TTF2: variants seen among roughly 807,000 people sequenced by gnomAD.
TTF2 encodes RNA polymerase II termination factor.
TTF2 carries 108 observed loss-of-function variants against 142.4 expected under a neutral mutation model. The ratio of observed to expected loss-of-function variants is 0.76; its 90% CI spans 0.65 to 0.89. The LOEUF (loss-of-function observed/expected upper bound fraction) is 0.89, where lower values mean the gene tolerates loss of function less well. Among genes scored for constraint, TTF2 ranks in the 40% least tolerant of loss-of-function variants. TTF2 has a pLI of 0.00. For synonymous variants in TTF2, 483 were observed against 506.2 expected, an observed-to-expected ratio of 0.95 and a Z score of 0.61; for missense variants, 1,327 against 1,379.8, an observed-to-expected ratio of 0.96 and a Z score of 0.61.
At chr1:117,065,547 G>A (rs1340804585) in intron 3 of TTF2, among the ~76,000 whole-genome samples, 1 of 151,990 alleles carries the variant, frequency 6.6e-6, no homozygotes, top group Non-Finnish European at 1.5e-5. Context: ...CAGTGAGCCG[G>A]GATCGCGCCA....
At position 117,075,892 on chromosome 1, in the gene TTF2, C is replaced by A; in HGVS notation, c.1275+33C>A. The A allele has an allele frequency of 1.3e-6, 2 of 1,566,174 alleles. No individual in the cohort carries two copies. The highest frequency in any genetic ancestry group is 2.4e-5 in the South Asian group (2 of 81,944). On this transcript the variant is annotated intron_variant, in intron 5 of 22. Coordinates refer to ENST00000369466, the MANE Select transcript of TTF2 (RefSeq NM_003594.4). The surrounding 1 kb of genome is among the most constrained non-coding windows in gnomAD (Gnocchi z 4.5). Reference sequence around the variant, plus strand: ...TTGACTCGTGTTTTGTTTCTGAGGTCAGAGCATTGCTTGTTATGGGCAGAT... The same window carrying A: ...TTGACTCGTGTTTTGTTTCTGAGGTAAGAGCATTGCTTGTTATGGGCAGAT...
chr1:117,067,991 A>G (rs2801940), intron 3 of TTF2, among the ~76,000 whole-genome samples: 134,774 of 152,282 alleles, frequency 0.89, 59,983 homozygotes, highest in East Asian at 1. Flanking sequence ...GCATTTGACT[A>G]GCCATTCGGC....
At position 117,095,367 on chromosome 1, in the gene TTF2, G is replaced by A; in HGVS notation, c.3035G>A (p.Ser1012Asn). Residue 1012 changes from serine (S) to asparagine (N), a missense_variant and splice_region_variant, in exon 19 of 23, where the codon AGT (serine) becomes AAT (asparagine). Transcript: ENST00000369466. ...AIQRNSASQK[S>N]VIVSQWTNML... is the part of the protein sequence containing the mutation. ...CAAAGAAATTCAGCATCCCAAAAGA[G>A]GTAACTGCGTTTTCTCATTATCCAA... 6.2e-7 allele frequency: 1 copy of A among 1,614,002 alleles called. No homozygotes were observed. The highest frequency in any genetic ancestry group is 8.5e-7 in the Non-Finnish European group (1 of 1,179,900).
At position 117,090,028 on chromosome 1, in the gene TTF2, CTG is replaced by C. The variant is rs758199437; in HGVS notation, c.2343-24_2343-23del. 2 of 1,608,034 alleles carry C rather than the reference CTG, an allele frequency of 1.2e-6. No homozygotes were observed. Among genetic ancestry groups the C allele is most frequent in the Non-Finnish European group, 1.7e-6 (2 of 1,176,846 alleles). On this transcript the variant is annotated intron_variant, in intron 13 of 22. Coordinates refer to ENST00000369466, the MANE Select transcript of TTF2 (RefSeq NM_003594.4). This position sits in a 1 kb window ranked among gnomAD's most constrained non-coding sequence, Gnocchi z 4.8. ...TCTCCCTGACTTTTCCTTCCCTACT[CTG>C]TGCCCTTCTTCCTCAACAAAAAAGG...
At position 117,060,537 on chromosome 1, in the gene TTF2, C is replaced by T; in HGVS notation, c.111C>T (p.Cys37=). ...TCTACGTGTGCCGGGCAGACACGTG[C>T]AGCTTCGTGCGGGCCACCGAGTAGG... The part of the protein sequence containing the change: ...KSFYVCRADT[C]SFVRATDIPV... Residue 37 remains cysteine (C), a synonymous_variant, in exon 2 of 23, where the codon TGC becomes TGT. Transcript: ENST00000369466. The T allele has an allele frequency of 6.2e-7, 1 of 1,612,258 alleles. No homozygotes were observed. The highest frequency in any genetic ancestry group is 1.1e-5 in the South Asian group (1 of 90,996).
chr1:117,081,998 C>A (rs776252478), intron 10 of TTF2, 51 bp downstream of exon 10: 3 of 1,612,522 alleles, frequency 1.9e-6, no homozygotes, highest in Admixed American at 3.3e-5. Context: ...ATTTGAGCCA[C>A]CCAAGAGGGG....
rs542013097 is a variant in TTF2, at chr1:117,076,330, A to G, written c.1390+36A>G. 27 of 1,543,946 alleles carry G rather than the reference A, an allele frequency of 1.7e-5. No homozygotes were observed. In the South Asian group the frequency reaches 2.6e-4, roughly 15 times the overall value. On this transcript the variant is annotated intron_variant, in intron 6 of 22. Transcript: ENST00000369466. The surrounding 1 kb of genome is among the most constrained non-coding windows in gnomAD (Gnocchi z 4.6). Reference sequence around the variant, plus strand: ...TTATGCCTCAGAACTCCGGGTTTGCATCGACTTTACAAGAGACATTCGGGA... The same window carrying G: ...TTATGCCTCAGAACTCCGGGTTTGCGTCGACTTTACAAGAGACATTCGGGA...
rs1476347283 is a variant in TTF2, at chr1:117,102,609, GTA to G, written c.*1088_*1089del. 4.6e-5 allele frequency: 7 copies of G among 152,058 alleles called. No homozygotes were observed. Among genetic ancestry groups the G allele is most frequent in the Non-Finnish European group, 1.5e-5 (1 of 68,002 alleles). The allele number at this position is 152,058 out of a possible 1,614,324, so 9.4% of individuals were successfully genotyped here. Reference sequence around the variant, plus strand: ...TATAACATTTCTATTTGTAGTATTTGTATAATATTTGTGTCATTTTTAATAGT... The same window carrying G: ...TATAACATTTCTATTTGTAGTATTTGTAATATTTGTGTCATTTTTAATAGT... On this transcript the variant is annotated 3_prime_UTR_variant, in exon 23 of 23. Coordinates refer to ENST00000369466, the MANE Select transcript of TTF2 (RefSeq NM_003594.4).
At position 117,101,512 on chromosome 1, in the gene TTF2, T is replaced by C. The variant is rs1206702357; in HGVS notation, c.3477T>C (p.Leu1159=). 1.3e-6 allele frequency: 2 copies of C among 1,590,692 alleles called. No individual in the cohort carries two copies. Among genetic ancestry groups the C allele is most frequent in the Non-Finnish European group, 1.7e-6 (2 of 1,174,142 alleles). ...TKLTLADLRV[L]FGI Reference sequence around the variant, plus strand: ...TCACCTTGGCTGACCTCAGAGTCCTTTTTGGCATCTAACCTCCTGTGGATA... The same window carrying C: ...TCACCTTGGCTGACCTCAGAGTCCTCTTTGGCATCTAACCTCCTGTGGATA... The change falls in exon 23 of 23, where the codon CTT becomes CTC. Residue 1159 remains leucine, a synonymous_variant. Transcript: ENST00000369466. The surrounding 1 kb of genome is among the most constrained non-coding windows in gnomAD (Gnocchi z 5.9).
Position 117,090,513 on chromosome 1 carries a change from T to G in TTF2, c.2497-19T>G. On this transcript the variant is annotated intron_variant, in intron 14 of 22. Transcript: ENST00000369466. The surrounding 1 kb of genome is among the most constrained non-coding windows in gnomAD (Gnocchi z 4.8). Reference sequence around the variant, plus strand: ...TAATTTGTATAGCTTCATGCCAGCTTTTTTTTTTATTCTTCCAGGTGATAC... The same window carrying G: ...TAATTTGTATAGCTTCATGCCAGCTGTTTTTTTTATTCTTCCAGGTGATAC... 2 of 1,592,888 alleles carry G rather than the reference T, an allele frequency of 1.3e-6. No individual in the cohort carries two copies. The highest frequency in any genetic ancestry group is 1.7e-6 in the Non-Finnish European group (2 of 1,167,998).
Position 117,085,218 on chromosome 1 carries a change from T to G in TTF2, c.2054+1050T>G, listed in dbSNP as rs1440205185. Among the ~76,000 whole-genome samples the G allele has an allele frequency of 6.6e-6, 1 of 152,224 alleles. No individual in the cohort carries two copies. Among genetic ancestry groups the G allele is most frequent in the Non-Finnish European group, 1.5e-5 (1 of 68,050 alleles). On this transcript the variant is annotated intron_variant, in intron 11 of 22. Coordinates refer to ENST00000369466, the MANE Select transcript of TTF2 (RefSeq NM_003594.4). This position sits in a 1 kb window ranked among gnomAD's most constrained non-coding sequence, Gnocchi z 4.7. ...AGGGTAACTTGTAGACACTGCTGCC[T>G]CTCTGAATTAGGCATATCATTTTTA...
Position 117,081,929 on chromosome 1 carries a change from A to T in TTF2, c.1885A>T (p.Thr629Ser), listed in dbSNP as rs1647547040. 2 of 1,614,086 alleles carry T rather than the reference A, an allele frequency of 1.2e-6. No homozygotes were observed. Among genetic ancestry groups the T allele is most frequent in the African/African-American group, 1.3e-5 (1 of 74,936 alleles). The change falls in exon 10 of 23, where the codon ACG becomes TCG. Residue 629 changes from threonine (T) to serine (S), a missense_variant. Physicochemically the swap from Thr to Ser is moderately conservative, Grantham distance 58 (BLOSUM62 1). Transcript: ENST00000369466. ...KEEKEKSTAL[T>S]WLSKDDSCDF... ...AGAAAAGGAGAAAAGCACAGCTTTGACGTGGCTCTCCAAAGATGGTAGACA... is the reference window on the plus strand; with the variant it reads ...AGAAAAGGAGAAAAGCACAGCTTTGTCGTGGCTCTCCAAAGATGGTAGACA...
chr1:117,101,444 G>A lies in TTF2; in HGVS notation c.3409G>A (p.Ala1137Thr). The A allele has an allele frequency of 6.2e-7, 1 of 1,611,316 alleles. No homozygotes were observed. Among genetic ancestry groups the A allele is most frequent in the Admixed American group, 1.7e-5 (1 of 59,222 alleles). Residue 1137 changes from alanine to threonine, a missense_variant, in exon 23 of 23, where the codon GCC becomes ACC. Ala to Thr is a moderately conservative substitution (Grantham distance 58, BLOSUM62 0). Coordinates refer to ENST00000369466, the MANE Select transcript of TTF2 (RefSeq NM_003594.4). The surrounding 1 kb of genome is among the most constrained non-coding windows in gnomAD (Gnocchi z 5.9). Reference sequence around the variant, plus strand: ...GCTCCAAGAAAAAAAGAAAGATTTGGCCAAACAAGTTCTATCAGGGTCTGG... The same window carrying A: ...GCTCCAAGAAAAAAAGAAAGATTTGACCAAACAAGTTCTATCAGGGTCTGG... ...LQLQEKKKDL[A>T]KQVLSGSGES...
In TTF2 at chr1:117,072,540, TC is replaced by T. The variant is rs1390295460; in HGVS notation, c.219-1120del. On this transcript the variant is annotated intron_variant, in intron 3 of 22. Coordinates refer to ENST00000369466, the MANE Select transcript of TTF2 (RefSeq NM_003594.4). ...CCCGGGTTCAAGCGATTCTCCTGCC[TC>T]AGCCTCCTGAGTAGCTGGGACTACA... Among the ~76,000 whole-genome samples the T allele has an allele frequency of 4.0e-5, 6 of 148,200 alleles. No individual in the cohort carries two copies. In the South Asian group the frequency reaches 1.3e-3, roughly 33 times the overall value.
Position 117,079,991 on chromosome 1 carries a change from CA to C in TTF2, c.1783+343del, listed in dbSNP as rs1647349788. Among the ~76,000 whole-genome samples the C allele has an allele frequency of 6.6e-6, 1 of 151,252 alleles. No homozygotes were observed. Among genetic ancestry groups the C allele is most frequent in the Non-Finnish European group, 1.5e-5 (1 of 67,880 alleles). ...ATGGCTAGAGCCAACACACAAACAGCAGTCTATTGCCTCCCTCTTTTTTTTT... is the reference window on the plus strand; with the variant it reads ...ATGGCTAGAGCCAACACACAAACAGCGTCTATTGCCTCCCTCTTTTTTTTT... On this transcript the variant is annotated intron_variant, in intron 9 of 22. Transcript: ENST00000369466. This position sits in a 1 kb window ranked among gnomAD's most constrained non-coding sequence, Gnocchi z 4.2.
intron 15 of TTF2, 127 bp from the exon 16 acceptor site, chr1:117,091,201 T>G (rs1175318206): frequency 1.5e-6 from 1 of 667,168 alleles, no homozygotes; most frequent in Non-Finnish European, 2.4e-6. Flanking sequence ...CTTTGGCCAT[T>G]GCTTCTTATG....
At chr1:117,089,250 C>CTAT (rs1557824248) in intron 13 of TTF2, among the ~76,000 whole-genome samples, 9 of 85,102 alleles carry the variant, frequency 1.1e-4, no homozygotes, top group African/African-American at 3.1e-4. Context: ...AAAATATATG[C>CTAT]AAATATATGC....
chr1:117,092,771 T>C lies in TTF2; in HGVS notation c.2846T>C (p.Leu949Pro), dbSNP rs1157727925. ...PMELKGEGLV[L>P]SLEEQLSALT... ...GAACTGAAGGGTGAAGGTCTTGTCC[T>C]TTCCCTGGAAGAACAGCTCAGTGCT... Residue 949 changes from leucine to proline, a missense_variant, in exon 18 of 23, where the codon CTT becomes CCT. Leu to Pro is a moderately conservative substitution (Grantham distance 98). Coordinates refer to ENST00000369466, the MANE Select transcript of TTF2 (RefSeq NM_003594.4). This position sits in a 1 kb window ranked among gnomAD's most constrained non-coding sequence, Gnocchi z 4.4. 5 of 1,614,098 alleles carry C rather than the reference T, an allele frequency of 3.1e-6. No homozygotes were observed. In the African/African-American group the frequency reaches 5.3e-5, roughly 17 times the overall value.
rs1464861521 is a variant in TTF2, at chr1:117,080,643, G to T, written c.1783+994G>T. On this transcript the variant is annotated intron_variant, in intron 9 of 22. Transcript: ENST00000369466. The surrounding 1 kb of genome is among the most constrained non-coding windows in gnomAD (Gnocchi z 4.3). ...TAGATGTCCACTATGGCTAGTAAGT[G>T]ACTGTGTCAGTGGTCCTCAAAACCA... 6.6e-6 allele frequency among the ~76,000 whole-genome samples: 1 copy of T among 152,184 alleles called. No homozygotes were observed. The highest frequency in any genetic ancestry group is 1.5e-5 in the Non-Finnish European group (1 of 68,036).
Sources: gnomAD v4.1 joint callset for allele counts (sites outside exome capture counted in the v4.1 genomes callset) on GRCh38, gnomAD v4.1.1 for gene constraint, Gnocchi (gnomAD v3.1) non-coding constraint, MANE v1.5 for transcripts, NCBI Gene and HGNC (gene_info 2026-07-23, HGNC 2026-07-21) for gene names.